The following CRTC3 variants were observed in gnomAD, a reference collection of about 807,000 sequenced individuals.
CRTC3 encodes CREB regulated transcription coactivator 3.
In CRTC3, 26 loss-of-function variants were observed where a neutral mutation model predicts 74.5. The observed-to-expected ratio is 0.35, with a 90% CI of 0.26 to 0.48. The LOEUF (loss-of-function observed/expected upper bound fraction) is 0.48. Ranked by LOEUF, CRTC3 falls within the 20% of genes least tolerant of loss-of-function variation. The probability of loss-of-function intolerance (pLI) is 0.99; values close to 1 mark genes in which losing one functional copy is unlikely to be tolerated. For synonymous variants in CRTC3, 377 were observed against 325.8 expected, an observed-to-expected ratio of 1.16 and a Z score of -1.69; for missense variants, 760 against 787.3, an observed-to-expected ratio of 0.97 and a Z score of 0.41.
At chr15:90,600,239 C>T (rs899119078) in intron 3 of CRTC3, 14 of 152,218 alleles carry the variant, frequency 9.2e-5, no homozygotes, top group African/African-American at 3.4e-4. Context: ...TAATGCCTCT[C>T]CTGGCAAAGA....
intron 8 of CRTC3, among the ~76,000 whole-genome samples, chr15:90,618,635 A>G (rs1159694599): frequency 6.6e-6 from 1 of 152,138 alleles, no homozygotes; most frequent in Non-Finnish European, 1.5e-5. Flanking sequence ...CTCTATTGCA[A>G]TTGTTTGTAT....
chr15:90,621,173 CA>C (rs1380989922), intron 9 of CRTC3, among the ~76,000 whole-genome samples: 1 of 151,754 alleles, frequency 6.6e-6, no homozygotes, highest in Non-Finnish European at 1.5e-5. Context: ...GAAACAAAAA[CA>C]AAAACAAAAA....
intron 2 of CRTC3, among the ~76,000 whole-genome samples, chr15:90,580,342 C>T (rs1019576326): frequency 4.6e-5 from 7 of 152,106 alleles, no homozygotes; most frequent in African/African-American, 1.7e-4. Flanking sequence ...GTTTTCCCTC[C>T]CCTGTCTGTA....
intron 2 of CRTC3, among the ~76,000 whole-genome samples, chr15:90,586,649 C>T (rs974266534): frequency 6.6e-6 from 1 of 152,060 alleles, no homozygotes; most frequent in Non-Finnish European, 1.5e-5. Context: ...TGTGAGCCAC[C>T]GTGCCTGGCC....
chr15:90,626,248 G>A (rs952726418), intron 10 of CRTC3, among the ~76,000 whole-genome samples: 1 of 152,154 alleles, frequency 6.6e-6, no homozygotes, highest in Non-Finnish European at 1.5e-5. Context: ...AGGGACTTGG[G>A]GAATAAGATA....
intron 2 of CRTC3, among the ~76,000 whole-genome samples, chr15:90,557,833 T>C (rs1439426714): frequency 1.3e-5 from 2 of 152,158 alleles, no homozygotes; most frequent in Non-Finnish European, 2.9e-5. Context: ...CTCTGATAAC[T>C]GGACTCTTGT....
At chr15:90,588,571 G>C (rs1443837960) in intron 2 of CRTC3, among the ~76,000 whole-genome samples, 1 of 149,224 alleles carries the variant, frequency 6.7e-6, no homozygotes, top group African/African-American at 2.5e-5. Flanking sequence ...TTGCTCATAA[G>C]CCATTGGCCA....
chr15:90,609,079 T>G (rs991489844), intron 6 of CRTC3, among the ~76,000 whole-genome samples: 1 of 152,258 alleles, frequency 6.6e-6, no homozygotes, highest in Non-Finnish European at 1.5e-5. Flanking sequence ...AGAACACTTA[T>G]GATCGTATTT....
At chr15:90,589,297 C>T (rs1186880640) in intron 2 of CRTC3, among the ~76,000 whole-genome samples, 1 of 151,908 alleles carries the variant, frequency 6.6e-6, no homozygotes, top group African/African-American at 2.4e-5. Flanking sequence ...CCTCATGATC[C>T]ACCTGCGTAG....
At chr15:90,629,575 T>C (rs2151092965) in intron 11 of CRTC3, 43 bp downstream of exon 11, 1 of 1,593,990 alleles carries the variant, frequency 6.3e-7, no homozygotes, top group Non-Finnish European at 8.6e-7. Flanking sequence ...TGAAACAGAC[T>C]GCAAGATATA....
intron 6 of CRTC3, among the ~76,000 whole-genome samples, chr15:90,608,192 A>G (rs1968274984): frequency 1.3e-5 from 2 of 152,250 alleles, no homozygotes; most frequent in East Asian, 1.9e-4. Context: ...AGTGGGGAAG[A>G]GGCCCACTCA....
In CRTC3 at chr15:90,625,944, G is replaced by A. The variant is rs1567190859; in HGVS notation, c.918G>A (p.Val306=). The A allele has an allele frequency of 2.5e-6, 4 of 1,614,178 alleles. No homozygotes were observed. The highest frequency in any genetic ancestry group is 2.7e-5 in the African/African-American group (2 of 75,046). Residue 306 remains valine (V), a synonymous_variant, in exon 10 of 15, where the codon GTG becomes GTA. Transcript: ENST00000268184. ...GCAGTATGAGTGTGGGGAATAGTGT[G>A]AACAACATCCCAGCTGCTATGACCC... ...HFGSMSVGNS[V]NNIPAAMTHL... is the part of the protein sequence containing the mutation.
rs1320697239 is a variant in CRTC3 at position 90,530,443 on chromosome 15, A to G, written c.132+240A>G. 6.4e-6 allele frequency: 1 copy of G among 155,548 alleles called. No homozygotes were observed. Among genetic ancestry groups the G allele is most frequent in the Admixed American group, 6.5e-5 (1 of 15,272 alleles). 9.6% of individuals were successfully genotyped at this position (155,548 alleles called of 1,614,324 possible). On this transcript the variant is annotated intron_variant, in intron 1 of 14. Transcript: ENST00000268184. This position sits in a 1 kb window ranked among gnomAD's most constrained non-coding sequence, Gnocchi z 6.2. ...AGGGTCGCCCGGCCCCGTGTGCGGGAAGATGGGCAGGGGTGAAGCCCGTGG... is the reference window on the plus strand; with the variant it reads ...AGGGTCGCCCGGCCCCGTGTGCGGGGAGATGGGCAGGGGTGAAGCCCGTGG...
chr15:90,592,256 T>C (rs1281909239), intron 2 of CRTC3, among the ~76,000 whole-genome samples: 1 of 152,234 alleles, frequency 6.6e-6, no homozygotes, highest in Non-Finnish European at 1.5e-5. Context: ...TTTAAATGAA[T>C]AGTATGTGAG....
At chr15:90,531,935 T>G (rs1331499036) in intron 1 of CRTC3, among the ~76,000 whole-genome samples, 1 of 152,108 alleles carries the variant, frequency 6.6e-6, no homozygotes, top group Non-Finnish European at 1.5e-5. Flanking sequence ...TTTTCACAGA[T>G]CCTCACTGTT....
chr15:90,576,561 A>G (rs1050901495), intron 2 of CRTC3, among the ~76,000 whole-genome samples: 2 of 152,044 alleles, frequency 1.3e-5, no homozygotes, highest in Admixed American at 6.6e-5. Flanking sequence ...GGCTAGAGAG[A>G]TGGAGTGATA....
rs980180231 is a variant in CRTC3 at position 90,614,185 on chromosome 15, G to C, written c.578-268G>C. On this transcript the variant is annotated intron_variant, in intron 6 of 14. Coordinates refer to ENST00000268184, the MANE Select transcript of CRTC3 (RefSeq NM_022769.5). Reference sequence around the variant, plus strand: ...GAGATTCTCAGGCTTTGTAAAAATTGTTCTCCTCTCAGGACAGTGACAGTA... The same window carrying C: ...GAGATTCTCAGGCTTTGTAAAAATTCTTCTCCTCTCAGGACAGTGACAGTA... 13 of 343,934 alleles carry C rather than the reference G, an allele frequency of 3.8e-5. No homozygotes were observed. In the East Asian group the frequency reaches 7.5e-4, roughly 20 times the overall value. The allele number at this position is 343,934 out of a possible 1,614,324, so 21.3% of individuals were successfully genotyped here. A position where few individuals can be genotyped will look rare whatever the true frequency, so the allele number is the denominator to read the frequency against.
chr15:90,582,702 C>T (rs1160819493), intron 2 of CRTC3, among the ~76,000 whole-genome samples: 1 of 152,156 alleles, frequency 6.6e-6, no homozygotes, highest in Non-Finnish European at 1.5e-5. Context: ...TACCCTATGC[C>T]ATCCTGTAAA....
rs1966898365 is a variant in CRTC3 at position 90,556,802 on chromosome 15, A to G, written c.231+16665A>G. Among the ~76,000 whole-genome samples the G allele has an allele frequency of 2.6e-5, 4 of 152,216 alleles. No homozygotes were observed. The South Asian group carries it at 8.3e-4, about 32-fold the overall frequency. ...ACTGAGAGTTGATATAGATACTTTCATATTAAAATAGAAGGTTTACAACGG... is the reference window on the plus strand; with the variant it reads ...ACTGAGAGTTGATATAGATACTTTCGTATTAAAATAGAAGGTTTACAACGG... On this transcript the variant is annotated intron_variant, in intron 2 of 14. Transcript: ENST00000268184.
Sources: gnomAD v4.1 joint callset for allele counts (sites outside exome capture counted in the v4.1 genomes callset) on GRCh38, gnomAD v4.1.1 for gene constraint, Gnocchi (gnomAD v3.1) non-coding constraint, MANE v1.5 for transcripts, NCBI Gene and HGNC (gene_info 2026-07-23, HGNC 2026-07-21) for gene names.